Variants in ZBTB16 observed in about 807,000 individuals in gnomAD.
The protein encoded by ZBTB16 is zinc finger and BTB domain-containing protein 16.
A neutral mutation model predicts 56.8 loss-of-function variants in ZBTB16; 8 were observed. The observed-to-expected ratio is 0.14, with a 90% confidence interval of 0.08 to 0.25. The LOEUF is 0.25. Among genes scored for constraint, ZBTB16 ranks in the 10% least tolerant of loss-of-function variants. The pLI is 1.00. For missense variants in ZBTB16, 625 were observed against 903.0 expected (o/e 0.69, Z 3.95); for synonymous variants, 363 against 368.5 (o/e 0.98, Z 0.17).
rs577609761 is a variant in ZBTB16 at position 114,227,541 on chromosome 11, A to G, written c.1454-14626A>G. Among the ~76,000 whole-genome samples the G allele has an allele frequency of 1.5e-4, 23 of 152,360 alleles. No individual in the cohort carries two copies. In the South Asian group the frequency reaches 4.1e-3, roughly 27 times the overall value. ...TCAGAACCAAGAGATAGAGTGCTGT[A>G]TAAGAGAAGTGAGGTCGCAGCTCTC... is the stretch of plus-strand genomic sequence containing the variant. On this transcript the variant is annotated intron_variant, in intron 4 of 6. Transcript: ENST00000335953.
At chr11:114,248,174 C>T (rs1381804814) in intron 6 of ZBTB16, among the ~76,000 whole-genome samples, 1 of 152,214 alleles carries the variant, frequency 6.6e-6, no homozygotes, top group African/African-American at 2.4e-5. Flanking sequence ...GCTGGGATTA[C>T]AGGCGTGAGC....
At chr11:114,110,284 C>A (rs563746317) in intron 2 of ZBTB16, among the ~76,000 whole-genome samples, 25 of 152,248 alleles carry the variant, frequency 1.6e-4, no homozygotes, top group African/African-American at 5.3e-4. Flanking sequence ...ACAGAGCAGT[C>A]TTCTGTGGCA....
intron 2 of ZBTB16, among the ~76,000 whole-genome samples, chr11:114,118,745 G>A (rs1231967642): frequency 2.0e-5 from 3 of 152,106 alleles, no homozygotes; most frequent in African/African-American, 7.2e-5. Context: ...TAGGAGAACA[G>A]GTAAAAGATA....
rs1491560399 is a variant in ZBTB16, at chr11:114,250,659, AAC to A, written c.*106_*107del. On this transcript the variant is annotated 3_prime_UTR_variant, in exon 7 of 7. Transcript: ENST00000335953. The surrounding 1 kb of genome is among the most constrained non-coding windows in gnomAD (Gnocchi z 6.0). The stretch of plus-strand genomic sequence containing the variant: ...AATAAAAAAGGAAAAGAAAAAAAAA[AAC>A]AGAAGGAAAAGGAAACCTGGTAGCT... 3.0e-6 allele frequency: 4 copies of A among 1,325,084 alleles called. No homozygotes were observed. The African/African-American group carries it at 4.5e-5, about 15-fold the overall frequency. 82.1% of individuals were successfully genotyped at this position (1,325,084 alleles called of 1,614,324 possible).
intron 6 of ZBTB16, among the ~76,000 whole-genome samples, chr11:114,249,146 A>C (rs1305811057): frequency 7.2e-6 from 1 of 139,440 alleles, no homozygotes; most frequent in African/African-American, 2.6e-5. Flanking sequence ...GGCAGGGTCC[A>C]GGGCAAGGTC....
Position 114,060,469 on chromosome 11 carries a change from C to G in ZBTB16, c.-91+587C>G, listed in dbSNP as rs954094936. 1 of 152,040 alleles carries G rather than the reference C, an allele frequency of 6.6e-6. No individual in the cohort carries two copies. Among genetic ancestry groups the G allele is most frequent in the Non-Finnish European group, 1.5e-5 (1 of 68,014 alleles). 9.4% of individuals were successfully genotyped at this position (152,040 alleles called of 1,614,324 possible). On this transcript the variant is annotated intron_variant, in intron 1 of 6. Coordinates refer to ENST00000335953, the MANE Select transcript of ZBTB16 (RefSeq NM_006006.6). The surrounding 1 kb of genome is among the most constrained non-coding windows in gnomAD (Gnocchi z 6.0). ...TTGATTGGACTTGATCCCCACCCCC[C>G]TTTTGCAGGGGAGGGAGGGAAGCTC...
At chr11:114,209,718 C>T (rs751892787) in intron 4 of ZBTB16, 41 of 985,322 alleles carry the variant, frequency 4.2e-5, no homozygotes, top group Non-Finnish European at 4.9e-5. Context: ...TCCTCAATTT[C>T]AGGCCCCCAG....
chr11:114,150,673 C>T (rs944994650), intron 2 of ZBTB16, among the ~76,000 whole-genome samples: 18 of 152,126 alleles, frequency 1.2e-4, no homozygotes, highest in Non-Finnish European at 2.4e-4. Context: ...GGTAAATGGA[C>T]GTTGAAAGTG....
At chr11:114,185,448 A>T (rs1943339202) in intron 3 of ZBTB16, among the ~76,000 whole-genome samples, 1 of 152,182 alleles carries the variant, frequency 6.6e-6, no homozygotes, top group South Asian at 2.1e-4. Context: ...TTACCTATGG[A>T]GGTGGGTGGC....
chr11:114,070,349 C>T (rs1032311819), intron 2 of ZBTB16, among the ~76,000 whole-genome samples: 1 of 151,554 alleles, frequency 6.6e-6, no homozygotes, highest in Admixed American at 6.6e-5. Flanking sequence ...ACCTCATGAT[C>T]CACCCGCCTC....
intron 4 of ZBTB16, among the ~76,000 whole-genome samples, chr11:114,208,232 G>A (rs1943929142): frequency 6.6e-6 from 1 of 152,170 alleles, no homozygotes; most frequent in South Asian, 2.1e-4. Context: ...CCTTTCTACT[G>A]TGTTAGTTCA....
intron 2 of ZBTB16, among the ~76,000 whole-genome samples, chr11:114,128,547 C>T (rs1941576487): frequency 1.3e-5 from 2 of 152,118 alleles, no homozygotes; most frequent in African/African-American, 4.8e-5. Context: ...CGACTAGCTC[C>T]TAGGGTGTGT....
At chr11:114,175,064 G>T (rs1337421482) in intron 3 of ZBTB16, among the ~76,000 whole-genome samples, 1 of 152,258 alleles carries the variant, frequency 6.6e-6, no homozygotes, top group Non-Finnish European at 1.5e-5. Flanking sequence ...ACCTGTTAAA[G>T]AGATGATGAT....
At chr11:114,070,123 A>C (rs1939278826) in intron 2 of ZBTB16, among the ~76,000 whole-genome samples, 1 of 94,558 alleles carries the variant, frequency 1.1e-5, no homozygotes, top group African/African-American at 4.2e-5. Context: ...TTTTTTTGAG[A>C]CGGAGTCTCG....
At chr11:114,168,303 G>A (rs1942849641) in intron 3 of ZBTB16, among the ~76,000 whole-genome samples, 1 of 152,198 alleles carries the variant, frequency 6.6e-6, no homozygotes, top group African/African-American at 2.4e-5. Flanking sequence ...GAGAAGACAA[G>A]GATGGAAGGC....
chr11:114,139,599 C>T (rs926134407), intron 2 of ZBTB16, among the ~76,000 whole-genome samples: 3 of 146,262 alleles, frequency 2.1e-5, no homozygotes, highest in African/African-American at 5.3e-5. Flanking sequence ...CGAGAGATGG[C>T]GTGTGTGGGT....
chr11:114,149,373 C>T (rs569589944), intron 2 of ZBTB16, among the ~76,000 whole-genome samples: 21 of 152,284 alleles, frequency 1.4e-4, no homozygotes, highest in African/African-American at 4.8e-4. Flanking sequence ...CTCTCTCTCC[C>T]TTTAAACGGT....
intron 4 of ZBTB16, among the ~76,000 whole-genome samples, chr11:114,216,593 T>A (rs1354074763): frequency 6.6e-6 from 1 of 152,162 alleles, no homozygotes; most frequent in Non-Finnish European, 1.5e-5. Context: ...GACAGTGCTA[T>A]CAGCCTAAAC....
chr11:114,241,071 T>C (rs939693162), intron 4 of ZBTB16, among the ~76,000 whole-genome samples: 1 of 152,150 alleles, frequency 6.6e-6, no homozygotes, highest in Non-Finnish European at 1.5e-5. Context: ...GCCATTCACC[T>C]GGTGTTCTGG....
Sources: allele counts gnomAD v4.1 joint callset (sites outside exome capture counted in the v4.1 genomes callset), GRCh38; gene constraint gnomAD v4.1.1; non-coding constraint Gnocchi (gnomAD v3.1); transcripts MANE v1.5; gene names NCBI Gene and HGNC (gene_info 2026-07-23, HGNC 2026-07-21).